ANKH: variants seen among roughly 807,000 people sequenced by gnomAD.
ANKH encodes mineralization regulator ANKH.
Under a neutral mutation model 49.0 loss-of-function variants are expected in ANKH, and 15 were observed. That is an observed-to-expected ratio of 0.31 (90% CI 0.20 to 0.47). The LOEUF (loss-of-function observed/expected upper bound fraction) is 0.47. Ranked by LOEUF, ANKH falls within the 20% of genes least tolerant of loss-of-function variation. ANKH has a pLI of 1.00. For synonymous variants in ANKH, 273 were observed against 260.0 expected, an observed-to-expected ratio of 1.05 and a Z score of -0.48; for missense variants, 429 against 652.0, an observed-to-expected ratio of 0.66 and a Z score of 3.72.
At chr5:14,859,210 T>C (rs1230056228) in intron 1 of ANKH, among the ~76,000 whole-genome samples, 1 of 152,206 alleles carries the variant, frequency 6.6e-6, no homozygotes, top group South Asian at 2.1e-4. Flanking sequence ...TATTCTACCT[T>C]CTATCTCTAC....
chr5:14,853,662 T>G (rs560400751), intron 1 of ANKH, among the ~76,000 whole-genome samples: 170 of 152,284 alleles, frequency 1.1e-3, no homozygotes, highest in Non-Finnish European at 1.8e-3. Context: ...TGTGGGTTTT[T>G]TTTGTTTGTT....
chr5:14,862,819 C>CT (rs1735535894), intron 1 of ANKH, among the ~76,000 whole-genome samples: 1 of 152,160 alleles, frequency 6.6e-6, no homozygotes, highest in African/African-American at 2.4e-5. Flanking sequence ...GCTTCCTTGA[C>CT]TTTTCAAAAA....
At chr5:14,830,086 A>G (rs1741458161) in intron 1 of ANKH, among the ~76,000 whole-genome samples, 1 of 152,208 alleles carries the variant, frequency 6.6e-6, no homozygotes, top group African/African-American at 2.4e-5. Flanking sequence ...CTTGGAAAGC[A>G]CCTCACTAGA....
At chr5:14,851,690 A>G (rs1296589269) in intron 1 of ANKH, among the ~76,000 whole-genome samples, 2 of 152,198 alleles carry the variant, frequency 1.3e-5, no homozygotes, top group Non-Finnish European at 2.9e-5. Flanking sequence ...AGATGACTTG[A>G]ACAATTCTCA....
chr5:14,803,675 C>T (rs1740627237), intron 1 of ANKH, among the ~76,000 whole-genome samples: 1 of 152,144 alleles, frequency 6.6e-6, no homozygotes, highest in African/African-American at 2.4e-5. Context: ...TTAGTAAAAT[C>T]AAGGTCTCAG....
At chr5:14,730,367 C>T (rs1737958101) in intron 8 of ANKH, among the ~76,000 whole-genome samples, 1 of 152,062 alleles carries the variant, frequency 6.6e-6, no homozygotes, top group Non-Finnish European at 1.5e-5. Context: ...AAACAGATTT[C>T]AAAACTTATG....
intron 2 of ANKH, among the ~76,000 whole-genome samples, chr5:14,762,011 T>C (rs706291): frequency 0.32 from 49,271 of 151,926 alleles, 8,401 homozygotes; most frequent in Admixed American, 0.39. Flanking sequence ...GTGATCCACC[T>C]GCCTCAGCCT....
intron 8 of ANKH, among the ~76,000 whole-genome samples, chr5:14,723,103 A>C (rs1737719513): frequency 6.6e-6 from 1 of 152,126 alleles, no homozygotes; most frequent in Non-Finnish European, 1.5e-5. Context: ...AGACCAGAGG[A>C]GGCTACGGAA....
In ANKH at chr5:14,770,264, C is replaced by T. The variant is rs545442670; in HGVS notation, c.97-1073G>A. On this transcript the variant is annotated intron_variant, in intron 1 of 11. Coordinates refer to ENST00000284268, the MANE Select transcript of ANKH (RefSeq NM_054027.6). This position sits in a 1 kb window ranked among gnomAD's most constrained non-coding sequence, Gnocchi z 4.1. Reference sequence around the variant, plus strand: ...AGCCTCCCCTGCTATCAACATCCCACGCCAGAGTGGTACATGCCTTACAAT... The same window carrying T: ...AGCCTCCCCTGCTATCAACATCCCATGCCAGAGTGGTACATGCCTTACAAT... Among the ~76,000 whole-genome samples, 10 of 152,268 alleles carry T rather than the reference C, an allele frequency of 6.6e-5. No homozygotes were observed. Among genetic ancestry groups the T allele is most frequent in the African/African-American group, 1.2e-4 (5 of 41,542 alleles).
At chr5:14,771,921 G>GAAAAAAAAAAAAAAAAAAAAAAAAAAA (rs869185652) in intron 1 of ANKH, among the ~76,000 whole-genome samples, 9 of 53,356 alleles carry the variant, frequency 1.7e-4, no homozygotes, top group Non-Finnish European at 2.3e-4. Flanking sequence ...CTCAAAAAAA[G>GAAAAAAAAAAAAAAAAAAAAAAAAAAA]AAAAAAAAAA....
At chr5:14,827,931 C>A (rs1741390459) in intron 1 of ANKH, among the ~76,000 whole-genome samples, 1 of 152,108 alleles carries the variant, frequency 6.6e-6, no homozygotes, top group East Asian at 1.9e-4. Flanking sequence ...GGTGTAGGAG[C>A]CATATCTGTT....
chr5:14,747,139 G>A (rs772555836), intron 6 of ANKH, among the ~76,000 whole-genome samples: 25 of 152,164 alleles, frequency 1.6e-4, no homozygotes, highest in Non-Finnish European at 2.8e-4. Flanking sequence ...TGATGGCTCC[G>A]TGCTACTCTC....
intron 1 of ANKH, among the ~76,000 whole-genome samples, chr5:14,831,294 G>A (rs1008482698): frequency 6.6e-6 from 1 of 152,150 alleles, no homozygotes; most frequent in African/African-American, 2.4e-5. Context: ...CATCATGAAT[G>A]TTTGTATGAG....
At chr5:14,729,069 T>G (rs1192192887) in intron 8 of ANKH, among the ~76,000 whole-genome samples, 1 of 152,162 alleles carries the variant, frequency 6.6e-6, no homozygotes, top group Non-Finnish European at 1.5e-5. Context: ...TTTTTCTTTT[T>G]TTTTGAGACA....
rs1398803819 is a variant in ANKH at position 14,725,857 on chromosome 5, C to T, written c.1012-9022G>A. Among the ~76,000 whole-genome samples, 2 of 152,208 alleles carry T rather than the reference C, an allele frequency of 1.3e-5. No homozygotes were observed. Among genetic ancestry groups the T allele is most frequent in the Admixed American group, 6.5e-5 (1 of 15,276 alleles). Reference sequence around the variant, plus strand: ...GCTTCCCGGGTTCAAGAGATTCTCCCGCCTCAGCCTCCTGAGTAGCTGGGA... The same window carrying T: ...GCTTCCCGGGTTCAAGAGATTCTCCTGCCTCAGCCTCCTGAGTAGCTGGGA... On this transcript the variant is annotated intron_variant, in intron 8 of 11. Coordinates refer to ENST00000284268, the MANE Select transcript of ANKH (RefSeq NM_054027.6). This position sits in a 1 kb window ranked among gnomAD's most constrained non-coding sequence, Gnocchi z 4.0.
At chr5:14,727,535 C>G (rs1411204437) in intron 8 of ANKH, among the ~76,000 whole-genome samples, 1 of 151,874 alleles carries the variant, frequency 6.6e-6, no homozygotes, top group South Asian at 2.1e-4. Flanking sequence ...CAGGGGGCGC[C>G]ATGCGCCAAG....
chr5:14,738,791 G>C (rs1248745944), intron 8 of ANKH, among the ~76,000 whole-genome samples: 1 of 151,540 alleles, frequency 6.6e-6, no homozygotes, highest in African/African-American at 2.4e-5. Context: ...AAATAGACTA[G>C]AAAATCAAGA....
At chr5:14,846,963 A>G (rs974267449) in intron 1 of ANKH, among the ~76,000 whole-genome samples, 12 of 148,184 alleles carry the variant, frequency 8.1e-5, no homozygotes, top group Admixed American at 2.8e-4. Context: ...AGCCAAGATC[A>G]TGCCACTGCG....
chr5:14,754,012 C>G (rs1341393852), intron 4 of ANKH, among the ~76,000 whole-genome samples: 1 of 152,194 alleles, frequency 6.6e-6, no homozygotes, highest in African/African-American at 2.4e-5. Flanking sequence ...TGAGAGGAAG[C>G]CTGAGGGTAA....
Sources: gnomAD v4.1 joint callset for allele counts (sites outside exome capture counted in the v4.1 genomes callset) on GRCh38, gnomAD v4.1.1 for gene constraint, Gnocchi (gnomAD v3.1) non-coding constraint, MANE v1.5 for transcripts, NCBI Gene and HGNC (gene_info 2026-07-23, HGNC 2026-07-21) for gene names.